EFCAB5: variants seen among roughly 807,000 people sequenced by gnomAD.
EFCAB5 encodes EF-hand calcium binding domain 5.
EFCAB5 carries 131 observed loss-of-function variants against 167.9 expected under a neutral mutation model. The observed-to-expected ratio is 0.78, with a 90% CI of 0.68 to 0.90. The LOEUF (loss-of-function observed/expected upper bound fraction) is 0.90, where lower values mean the gene tolerates loss of function less well. Among genes scored for constraint, EFCAB5 ranks in the 40% least tolerant of loss-of-function variants. EFCAB5 has a pLI of 0.00. For synonymous variants in EFCAB5, 574 were observed against 602.8 expected, an observed-to-expected ratio of 0.95 and a Z score of 0.70; for missense variants, 1,663 against 1,745.2, an observed-to-expected ratio of 0.95 and a Z score of 0.84.
In EFCAB5 at chr17:30,056,044, T is replaced by C; in HGVS notation, c.2273-20T>C. On this transcript the variant is annotated intron_variant, in intron 11 of 22. Coordinates refer to ENST00000394835, the MANE Select transcript of EFCAB5 (RefSeq NM_198529.4). ...GAAAGCGAAGTTTGATTGGCTATGT[T>C]ATGGAATGTGTTTTTACAGGTGAAT... The C allele has an allele frequency of 1.2e-6, 2 of 1,613,288 alleles. No individual in the cohort carries two copies. Among genetic ancestry groups the C allele is most frequent in the Non-Finnish European group, 1.7e-6 (2 of 1,179,474 alleles).
chr17:30,107,954 C>T lies in EFCAB5; in HGVS notation c.4442C>T (p.Pro1481Leu), dbSNP rs2151865193. The T allele has an allele frequency of 6.2e-7, 1 of 1,610,882 alleles. No individual in the cohort carries two copies. Among genetic ancestry groups the T allele is most frequent in the South Asian group, 1.1e-5 (1 of 90,292 alleles). The change falls in exon 23 of 23, where the codon CCT becomes CTT. Residue 1481 changes from proline to leucine, a missense_variant. Transcript: ENST00000394835. ...ITKQLNSGIT[P>L]PLPSKTDNYM... ...AAACAACTAAATAGTGGTATTACAC[C>T]TCCGTTGCCCTCCAAGACTGACAAT...
chr17:29,995,825 A>G (rs574983286), intron 5 of EFCAB5, among the ~76,000 whole-genome samples: 14 of 152,232 alleles, frequency 9.2e-5, no homozygotes, highest in Non-Finnish European at 1.6e-4. Context: ...ATCCTTTCTT[A>G]AAATGAATTA....
intron 8 of EFCAB5, among the ~76,000 whole-genome samples, chr17:30,050,210 C>G (rs950994601): frequency 2.0e-5 from 3 of 151,856 alleles, no homozygotes; most frequent in Non-Finnish European, 2.9e-5. Flanking sequence ...TCTCTGTTCA[C>G]CGCAACCTCC....
chr17:30,080,028 C>A (rs1008773926), intron 15 of EFCAB5, 44 bp from the exon 16 acceptor site: 1 of 1,567,678 alleles, frequency 6.4e-7, no homozygotes, highest in Non-Finnish European at 8.6e-7. Context: ...TAGGGGAGTT[C>A]TTTGGCTGTT....
intron 3 of EFCAB5, among the ~76,000 whole-genome samples, chr17:29,954,479 C>T (rs947287319): frequency 2.6e-5 from 4 of 152,228 alleles, no homozygotes; most frequent in Non-Finnish European, 5.9e-5. Flanking sequence ...TGGCAGCTTC[C>T]ACATGGTGCT....
intron 3 of EFCAB5, among the ~76,000 whole-genome samples, chr17:29,966,102 A>G (rs770905039): frequency 9.2e-5 from 14 of 152,134 alleles, no homozygotes; most frequent in Non-Finnish European, 1.9e-4. Context: ...ACTGTGTTAA[A>G]GTGTACAATT....
At chr17:29,935,590 A>T (rs1016274868) in intron 1 of EFCAB5, among the ~76,000 whole-genome samples, 3 of 152,278 alleles carry the variant, frequency 2.0e-5, no homozygotes, top group African/African-American at 7.2e-5. Flanking sequence ...GTTATTTGCC[A>T]AGAAATTTTA....
intron 3 of EFCAB5, among the ~76,000 whole-genome samples, chr17:29,945,330 A>G (rs1045520688): frequency 1.3e-5 from 2 of 151,558 alleles, no homozygotes; most frequent in Non-Finnish European, 2.9e-5. Context: ...TTTTTTCCCC[A>G]AAGTGTTCTT....
chr17:29,977,227 A>G (rs766994373), intron 4 of EFCAB5, among the ~76,000 whole-genome samples: 5 of 152,180 alleles, frequency 3.3e-5, no homozygotes, highest in Admixed American at 1.3e-4. Flanking sequence ...ATTTGCTCCT[A>G]AAATAGGATT....
In EFCAB5 at chr17:30,077,129, C is replaced by G. The variant is rs9909139; in HGVS notation, c.2738-1086C>G. Reference sequence around the variant, plus strand: ...CCAGCCTGGCCAGTATAGTGAAACCCCACCTCTACTGAAAATATAAAAATT... The same window carrying G: ...CCAGCCTGGCCAGTATAGTGAAACCGCACCTCTACTGAAAATATAAAAATT... On this transcript the variant is annotated intron_variant, in intron 14 of 22. Coordinates refer to ENST00000394835, the MANE Select transcript of EFCAB5 (RefSeq NM_198529.4). 4.1e-3 allele frequency among the ~76,000 whole-genome samples: 624 copies of G among 152,116 alleles called. 5 individuals carry two copies. Among genetic ancestry groups the G allele is most frequent in the African/African-American group, 0.014 (593 of 41,486 alleles).
rs76032988 is a variant in EFCAB5 at position 30,090,864 on chromosome 17, G to A, written c.3937+190G>A. On this transcript the variant is annotated intron_variant, in intron 20 of 22. Transcript: ENST00000394835. ...TCTACAAATTAAAGGAAACAGCCTG[G>A]AATCACATTCTCATGGTTAGATTCC... is the stretch of plus-strand genomic sequence containing the variant. 4.2e-3 allele frequency among the ~76,000 whole-genome samples: 636 copies of A among 152,280 alleles called. 3 individuals are homozygous for A. The highest frequency in any genetic ancestry group is 0.015 in the African/African-American group (615 of 41,558).
chr17:30,053,203 T>C, intron 9 of EFCAB5, 52 bp from the exon 10 acceptor site: 1 of 1,528,320 alleles, frequency 6.5e-7, no homozygotes, highest in South Asian at 1.3e-5. Context: ...ATAGCTCTAA[T>C]TCTGCATTAT....
At chr17:29,977,142 T>G (rs1161227054) in intron 4 of EFCAB5, among the ~76,000 whole-genome samples, 2 of 152,158 alleles carry the variant, frequency 1.3e-5, no homozygotes, top group African/African-American at 4.8e-5. Flanking sequence ...TCCCTCTGAC[T>G]CTTGATTTCT....
rs1180983833 is a variant in EFCAB5 at position 30,053,163 on chromosome 17, G to A, written c.1301-92G>A. The A allele has an allele frequency of 2.1e-6, 3 of 1,406,540 alleles. No individual in the cohort carries two copies. In the East Asian group the frequency reaches 6.9e-5, roughly 32 times the overall value. The allele number at this position is 1,406,540 out of a possible 1,614,324, so 87.1% of individuals were successfully genotyped here. A position where few individuals can be genotyped will look rare whatever the true frequency, so the allele number is the denominator to read the frequency against. ...GCAATAGGCCTATATTACAATTTCT[G>A]TGCTCAATGCTTTTCTTTGCATTAA... On this transcript the variant is annotated intron_variant, in intron 9 of 22. Transcript: ENST00000394835.
chr17:29,986,675 G>T (rs990304648), intron 4 of EFCAB5, among the ~76,000 whole-genome samples: 1 of 113,026 alleles, frequency 8.8e-6, no homozygotes, highest in Non-Finnish European at 1.7e-5. Flanking sequence ...TTGAGACGGA[G>T]TCTCGCTGTC....
At chr17:29,937,895 T>C (rs2067259177), upstream of EFCAB5, among the ~76,000 whole-genome samples, 1 of 152,232 alleles carries the variant, frequency 6.6e-6, no homozygotes, top group Admixed American at 6.5e-5. Flanking sequence ...AGTGTTTAGA[T>C]ATCTCTGAAA....
At chr17:30,079,081 C>T (rs1259217696) in intron 15 of EFCAB5, among the ~76,000 whole-genome samples, 1 of 152,220 alleles carries the variant, frequency 6.6e-6, no homozygotes, top group African/African-American at 2.4e-5. Context: ...CAGGCAGAAA[C>T]AGCACAGCCG....
intron 7 of EFCAB5, among the ~76,000 whole-genome samples, chr17:30,016,685 T>C (rs2069050137): frequency 6.6e-6 from 1 of 152,140 alleles, no homozygotes. Flanking sequence ...TGTAATACAA[T>C]TGGAAAACAA....
At chr17:29,978,762 C>T (rs1046549459) in intron 4 of EFCAB5, among the ~76,000 whole-genome samples, 3 of 152,166 alleles carry the variant, frequency 2.0e-5, no homozygotes, top group Admixed American at 2.0e-4. Flanking sequence ...TAGGATTTTC[C>T]GTATAATTCC....
Sources: allele counts gnomAD v4.1 joint callset (sites outside exome capture counted in the v4.1 genomes callset), GRCh38; gene constraint gnomAD v4.1.1; transcripts MANE v1.5; gene names NCBI Gene and HGNC (gene_info 2026-07-23, HGNC 2026-07-21).